The following BNC2 variants were observed in gnomAD, a reference collection of about 807,000 sequenced individuals.
BNC2 encodes the protein zinc finger protein basonuclin-2.
In BNC2, 20 loss-of-function variants were observed where a neutral mutation model predicts 76.3. The ratio of observed to expected loss-of-function variants is 0.26; its 90% confidence interval spans 0.18 to 0.38. The LOEUF is 0.38. Ranked by LOEUF, BNC2 falls within the 10% of genes least tolerant of loss-of-function variation. The pLI is 1.00. For synonymous variants in BNC2, 582 were observed against 514.8 expected (o/e 1.13, Z -1.77); for missense variants, 1,382 against 1,399.8 (o/e 0.99, Z 0.20).
intron 6 of BNC2, among the ~76,000 whole-genome samples, chr9:16,422,017 T>C (rs892983769): frequency 1.3e-5 from 2 of 152,166 alleles, no homozygotes; most frequent in African/African-American, 4.8e-5. Flanking sequence ...ACACAGCAGT[T>C]GCATCAAGAC....
chr9:16,781,563 G>T (rs996794653), intron 1 of BNC2, among the ~76,000 whole-genome samples: 1 of 152,128 alleles, frequency 6.6e-6, no homozygotes, highest in Non-Finnish European at 1.5e-5. Flanking sequence ...TGCTGGTCGC[G>T]AACTCCTAAG....
rs1468995743 is a variant in BNC2, at chr9:16,688,569, T to C, written c.330+39228A>G. Among the ~76,000 whole-genome samples, 4 of 152,218 alleles carry C rather than the reference T, an allele frequency of 2.6e-5. No individual in the cohort carries two copies. In the East Asian group the frequency reaches 5.8e-4, roughly 22 times the overall value. ...TTAATGACATACTTGACATACTATATAGTACAAAGTTCTACAAAGATTTTC... is the reference window on the plus strand; with the variant it reads ...TTAATGACATACTTGACATACTATACAGTACAAAGTTCTACAAAGATTTTC... On this transcript the variant is annotated intron_variant, in intron 3 of 6. Transcript: ENST00000380672.
At chr9:16,658,648 A>G (rs1284347562) in intron 3 of BNC2, among the ~76,000 whole-genome samples, 1 of 152,194 alleles carries the variant, frequency 6.6e-6, no homozygotes, top group Non-Finnish European at 1.5e-5. Flanking sequence ...TAGGTCTTAT[A>G]AGCATGTGCC....
intron 3 of BNC2, among the ~76,000 whole-genome samples, chr9:16,643,205 C>G (rs1401260477): frequency 1.3e-5 from 2 of 151,506 alleles, no homozygotes; most frequent in African/African-American, 4.8e-5. Flanking sequence ...ACTCGGGAGG[C>G]TGAGGCAGGA....
chr9:16,864,957 A>G (rs1343221180), intron 1 of BNC2, among the ~76,000 whole-genome samples: 2 of 151,568 alleles, frequency 1.3e-5, no homozygotes, highest in Admixed American at 6.6e-5. Context: ...AGGACAGCAC[A>G]TCGTCGAGTC....
chr9:16,719,390 A>G (rs1479988860), intron 3 of BNC2, among the ~76,000 whole-genome samples: 1 of 152,202 alleles, frequency 6.6e-6, no homozygotes, highest in Non-Finnish European at 1.5e-5. Flanking sequence ...TCATTTTAAT[A>G]TTAGTTTTGT....
At chr9:16,422,682 A>G (rs1160454843) in intron 6 of BNC2, among the ~76,000 whole-genome samples, 1 of 152,228 alleles carries the variant, frequency 6.6e-6, no homozygotes, top group African/African-American at 2.4e-5. Context: ...TCACAAACTC[A>G]CACAGTATTC....
chr9:16,648,434 A>G (rs1447522688), intron 3 of BNC2, among the ~76,000 whole-genome samples: 3 of 152,224 alleles, frequency 2.0e-5, no homozygotes, highest in Non-Finnish European at 4.4e-5. Context: ...AGGTTCTATT[A>G]GCCAAGTCAA....
At chr9:16,539,822 AGGAAAGGAAG>A (rs879353886) in intron 5 of BNC2, among the ~76,000 whole-genome samples, 5,642 of 134,930 alleles carry the variant, frequency 0.042, 315 homozygotes, top group East Asian at 0.099. Flanking sequence ...AGGAAAGGAA[AGGAAAGGAAG>A]GGAAGGGAAG....
intron 1 of BNC2, among the ~76,000 whole-genome samples, chr9:16,818,828 G>T (rs1036430242): frequency 1.3e-5 from 2 of 151,638 alleles, no homozygotes; most frequent in African/African-American, 4.9e-5. Context: ...TGCCTGGAAT[G>T]AATTTTTAAA....
At chr9:16,492,789 T>C (rs1407197733) in intron 5 of BNC2, among the ~76,000 whole-genome samples, 3 of 151,566 alleles carry the variant, frequency 2.0e-5, no homozygotes, top group Admixed American at 6.6e-5. Flanking sequence ...GTAAGCATCA[T>C]TACAAATCAG....
intron 3 of BNC2, among the ~76,000 whole-genome samples, chr9:16,623,586 T>C (rs555916942): frequency 6.6e-6 from 1 of 152,206 alleles, no homozygotes. Flanking sequence ...GTTAATATGA[T>C]GTGTAGCTGA....
intron 3 of BNC2, among the ~76,000 whole-genome samples, chr9:16,648,983 T>C (rs1821717411): frequency 6.6e-6 from 1 of 152,160 alleles, no homozygotes; most frequent in Non-Finnish European, 1.5e-5. Context: ...TAAAATAGCA[T>C]AACGACTTAG....
chr9:16,441,353 T>C (rs1033323607), intron 5 of BNC2, among the ~76,000 whole-genome samples: 6 of 152,178 alleles, frequency 3.9e-5, no homozygotes, highest in African/African-American at 1.4e-4. Context: ...ATTCACCACA[T>C]TTATAAATGG....
At chr9:16,709,756 A>G (rs1430137303) in intron 3 of BNC2, among the ~76,000 whole-genome samples, 2 of 152,224 alleles carry the variant, frequency 1.3e-5, no homozygotes, top group African/African-American at 2.4e-5. Context: ...TGTTGCCAAA[A>G]TTAAAGTATG....
chr9:16,713,748 CAACCT>C (rs767688000), intron 3 of BNC2, among the ~76,000 whole-genome samples: 3 of 151,860 alleles, frequency 2.0e-5, no homozygotes, highest in Admixed American at 1.3e-4. Flanking sequence ...ATTAAGTTTC[CAACCT>C]AGTTAGTGCA....
intron 6 of BNC2, among the ~76,000 whole-genome samples, chr9:16,420,211 C>T (rs1820682295): frequency 1.3e-5 from 2 of 152,044 alleles, no homozygotes; most frequent in East Asian, 3.8e-4. Flanking sequence ...CCGTCTCTAC[C>T]CTCCACATTT....
At chr9:16,430,697 A>G (rs1820892066) in intron 6 of BNC2, among the ~76,000 whole-genome samples, 2 of 152,180 alleles carry the variant, frequency 1.3e-5, no homozygotes, top group African/African-American at 4.8e-5. Context: ...ACAAGCTAAT[A>G]CTATACATTT....
intron 1 of BNC2, among the ~76,000 whole-genome samples, chr9:16,743,012 T>TC (rs1307824060): frequency 3.9e-5 from 6 of 152,030 alleles, no homozygotes; most frequent in Admixed American, 3.9e-4. Context: ...AAGGACAAAA[T>TC]CCCCACACCC....
Sources: gnomAD v4.1 joint callset for allele counts (sites outside exome capture counted in the v4.1 genomes callset) on GRCh38, gnomAD v4.1.1 for gene constraint, MANE v1.5 for transcripts, NCBI Gene and HGNC (gene_info 2026-07-23, HGNC 2026-07-21) for gene names.